The following ATF6B variants were observed in gnomAD, a reference collection of about 807,000 sequenced individuals.
The protein encoded by ATF6B is cyclic AMP-dependent transcription factor ATF-6 beta.
ATF6B carries 50 observed loss-of-function variants against 83.5 expected under a neutral mutation model. The ratio of observed to expected loss-of-function variants is 0.60; its 90% CI spans 0.48 to 0.76. ATF6B has a LOEUF of 0.76. ATF6B is among the 30% of genes least tolerant of loss of function. The pLI is 0.00. For synonymous variants in ATF6B, 344 were observed against 362.8 expected (o/e 0.95, Z 0.59); for missense variants, 790 against 893.8 (o/e 0.88, Z 1.48).
In ATF6B at chr6:32,115,818, G is replaced by A. The variant is rs1275954191; in HGVS notation, c.2033C>T (p.Thr678Ile). 1 of 1,614,066 alleles carries A rather than the reference G, an allele frequency of 6.2e-7. No individual in the cohort carries two copies. The highest frequency in any genetic ancestry group is 8.5e-7 in the Non-Finnish European group (1 of 1,179,994). Residue 678 changes from threonine (T) to isoleucine (I), a missense_variant, in exon 18 of 18, where the codon ACA becomes ATA. Transcript: ENST00000375203. ...KQPSPTPGNA[T>I]GGPLPVSAAS... The stretch of plus-strand genomic sequence containing the variant: ...TGCAGAGACTGGCAAGGGGCCACCT[G>A]TGGCATTGCCTGGGGTTGGGGATGG...
In ATF6B at chr6:32,117,108, C is replaced by T. The variant is rs765266665; in HGVS notation, c.1615-1G>A. On this transcript the variant is annotated splice_acceptor_variant, in intron 14 of 17. Transcript: ENST00000375203. LOFTEE classifies it high-confidence loss of function. The surrounding 1 kb of genome is among the most constrained non-coding windows in gnomAD (Gnocchi z 5.0). ...GTGACTTCTTCCGTGGCTGAGACTT[C>T]TGGAAGGAGAAGTATCTAAGGACTT... 1 of 1,613,840 alleles carries T rather than the reference C, an allele frequency of 6.2e-7. No individual in the cohort carries two copies. The highest frequency in any genetic ancestry group is 8.5e-7 in the Non-Finnish European group (1 of 1,179,852).
chr6:32,123,366 T>C (rs1428499844), intron 5 of ATF6B, among the ~76,000 whole-genome samples: 1 of 151,896 alleles, frequency 6.6e-6, no homozygotes, highest in Non-Finnish European at 1.5e-5. Context: ...TACCTAAGTA[T>C]GGAGGAGAAT....
In ATF6B at chr6:32,121,361, G is replaced by A. The variant is rs139931346; in HGVS notation, c.479-13C>T. On this transcript the variant is annotated splice_polypyrimidine_tract_variant and intron_variant, in intron 5 of 17. Coordinates refer to ENST00000375203, the MANE Select transcript of ATF6B (RefSeq NM_004381.5). ...TTGGTCTGGACATCTGTGGGAGGCA[G>A]GATGAGGCAAAAGCTGGATATCATG... 1,062 of 1,610,942 alleles carry A rather than the reference G, an allele frequency of 6.6e-4. 12 individuals carry two copies. The East Asian group carries it at 7.2e-3, about 11-fold the overall frequency.
rs1450673531 is a variant in ATF6B, at chr6:32,118,155, G to C, written c.1245-117C>G. 4.7e-6 allele frequency: 6 copies of C among 1,268,074 alleles called. No homozygotes were observed. In the Admixed American group the frequency reaches 1.2e-4, roughly 25 times the overall value. 78.6% of individuals were successfully genotyped at this position (1,268,074 alleles called of 1,614,324 possible). ...GTTGCAATCTGTTATACAAGCCTGA[G>C]TCTGCCTCTGTAAGATGGGAATAAG... On this transcript the variant is annotated intron_variant, in intron 11 of 17. Coordinates refer to ENST00000375203, the MANE Select transcript of ATF6B (RefSeq NM_004381.5). This position sits in a 1 kb window ranked among gnomAD's most constrained non-coding sequence, Gnocchi z 5.2.
chr6:32,120,678 T>C, intron 8 of ATF6B, 93 bp downstream of exon 8: 1 of 1,455,394 alleles, frequency 6.9e-7, no homozygotes. Context: ...CTTAAACTTC[T>C]GACCTCAGGT....
At position 32,117,677 on chromosome 6, in the gene ATF6B, G is replaced by A. The variant is rs1412583387; in HGVS notation, c.1442C>T (p.Pro481Leu). 2 of 1,613,996 alleles carry A rather than the reference G, an allele frequency of 1.2e-6. No homozygotes were observed. The highest frequency in any genetic ancestry group is 2.7e-5 in the African/African-American group (2 of 74,938). Residue 481 changes from proline to leucine, a missense_variant, in exon 13 of 18, where the codon CCT (proline) becomes CTT (leucine). Physicochemically the swap from Pro to Leu is moderately conservative, Grantham distance 98. This residue lies in a region of ATF6B where 530 missense variants were observed against 632.6 expected (regional missense o/e 0.84). Transcript: ENST00000375203. This position sits in a 1 kb window ranked among gnomAD's most constrained non-coding sequence, Gnocchi z 5.0. ...QPSFSNLTAF[P>L]GGAKELLLRD... Reference sequence around the variant, plus strand: ...TAGTAGTAGCTCCTTGGCGCCCCCAGGGAAGGCTGTCAGGTTGCTGGAGTG... The same window carrying A: ...TAGTAGTAGCTCCTTGGCGCCCCCAAGGAAGGCTGTCAGGTTGCTGGAGTG...
intron 5 of ATF6B, among the ~76,000 whole-genome samples, chr6:32,122,710 G>A (rs1206942138): frequency 6.6e-6 from 1 of 151,810 alleles, no homozygotes; most frequent in African/African-American, 2.4e-5. Context: ...TTAGCCAGGC[G>A]TGGTGGCGGA....
In ATF6B at chr6:32,117,403, G is replaced by A. The variant is rs1255681915; in HGVS notation, c.1534C>T (p.Leu512Phe). Residue 512 changes from leucine (L) to phenylalanine (F), a missense_variant and splice_region_variant, in exon 14 of 18, where the codon CTT becomes TTT. This residue lies in a region of ATF6B where 530 missense variants were observed against 632.6 expected (regional missense o/e 0.84). Transcript: ENST00000375203. This position sits in a 1 kb window ranked among gnomAD's most constrained non-coding sequence, Gnocchi z 5.0. ...ACCCAGCCACTCAACTCGTCAGCAA[G>A]CCTGGGGAAATGGAGGAGCTCAGGA... ...RHFNRTESLR[L>F]ADELSGWVQR... 1.9e-6 allele frequency: 3 copies of A among 1,614,016 alleles called. No individual in the cohort carries two copies. The highest frequency in any genetic ancestry group is 2.5e-6 in the Non-Finnish European group (3 of 1,179,964).
At chr6:32,120,538 C>A in intron 8 of ATF6B, 1 of 378,982 alleles carries the variant, frequency 2.6e-6, no homozygotes, top group Non-Finnish European at 4.6e-6. Context: ...GCAACCTCCG[C>A]CTCCTGGGTT....
rs1404461073 is a variant in ATF6B, at chr6:32,121,443, C to G, written c.479-95G>C. 4 of 1,258,848 alleles carry G rather than the reference C, an allele frequency of 3.2e-6. No homozygotes were observed. In the South Asian group the frequency reaches 3.8e-5, roughly 12 times the overall value. The allele number at this position is 1,258,848 out of a possible 1,614,324, so 78.0% of individuals were successfully genotyped here. A position where few individuals can be genotyped will look rare whatever the true frequency, so the allele number is the denominator to read the frequency against. ...GGAGGCTGGGCATGGTGGCTCACGC[C>G]TGTAATCTCAGCACTTTGGGAGGCC... On this transcript the variant is annotated intron_variant, in intron 5 of 17. Coordinates refer to ENST00000375203, the MANE Select transcript of ATF6B (RefSeq NM_004381.5).
At chr6:32,127,959 C>T (rs1056877253) in intron 1 of ATF6B, among the ~76,000 whole-genome samples, 158 bp downstream of exon 1, 6 of 152,124 alleles carry the variant, frequency 3.9e-5, no homozygotes, top group African/African-American at 1.4e-4. Flanking sequence ...TCTTCCCTGA[C>T]TTTTGTATCC....
At position 32,119,273 on chromosome 6, in the gene ATF6B, C is replaced by A. The variant is rs1457622602; in HGVS notation, c.967-132G>T. On this transcript the variant is annotated intron_variant, in intron 9 of 17. Coordinates refer to ENST00000375203, the MANE Select transcript of ATF6B (RefSeq NM_004381.5). This position sits in a 1 kb window ranked among gnomAD's most constrained non-coding sequence, Gnocchi z 4.9. ...CTGCCTTCCTGACCCACCTACATAG[C>A]CAGAGAGGTTTTTCCTCTCTACTCA... 5 of 1,101,982 alleles carry A rather than the reference C, an allele frequency of 4.5e-6. No homozygotes were observed. Among genetic ancestry groups the A allele is most frequent in the South Asian group, 1.7e-5 (1 of 60,512 alleles). The allele number at this position is 1,101,982 out of a possible 1,614,324, so 68.3% of individuals were successfully genotyped here. A position where few individuals can be genotyped will look rare whatever the true frequency, so the allele number is the denominator to read the frequency against.
rs199996240 is a variant in ATF6B at position 32,117,338 on chromosome 6, C to T, written c.1599G>A (p.Arg533=). ...HQRGRRKIPQ[R]AQERQKSQPR... is the part of the protein sequence containing the mutation. ...CCCGCCCTACCTGTCTCTCCTGGGCCCTCTGAGGGATCTTCCTCCGGCCTC... is the reference window on the plus strand; with the variant it reads ...CCCGCCCTACCTGTCTCTCCTGGGCTCTCTGAGGGATCTTCCTCCGGCCTC... The change falls in exon 14 of 18, where the codon AGG becomes AGA. Residue 533 remains arginine, a synonymous_variant. Transcript: ENST00000375203. The surrounding 1 kb of genome is among the most constrained non-coding windows in gnomAD (Gnocchi z 5.0). 7.4e-6 allele frequency: 12 copies of T among 1,613,956 alleles called. No individual in the cohort carries two copies. In the African/African-American group the frequency reaches 1.1e-4, roughly 14 times the overall value.
Position 32,118,770 on chromosome 6 carries a change from C to G in ATF6B, c.1244+5G>C, listed in dbSNP as rs1231622783. The G allele has an allele frequency of 3.7e-6, 6 of 1,613,856 alleles. No individual in the cohort carries two copies. The highest frequency in any genetic ancestry group is 4.2e-6 in the Non-Finnish European group (5 of 1,179,804). On this transcript the variant is annotated splice_donor_5th_base_variant and intron_variant, in intron 11 of 17. Coordinates refer to ENST00000375203, the MANE Select transcript of ATF6B (RefSeq NM_004381.5). This position sits in a 1 kb window ranked among gnomAD's most constrained non-coding sequence, Gnocchi z 5.2. ...AAGGTTCTAGTGAAGCAAGGAAGGT[C>G]TCACCTGACAGGTCCAAAGTTGAAG...
At chr6:32,126,062 CAT>C (rs1485076750) in intron 5 of ATF6B, 53 bp downstream of exon 5, 1 of 1,606,538 alleles carries the variant, frequency 6.2e-7, no homozygotes, top group Non-Finnish European at 8.5e-7. Flanking sequence ...CACACACACA[CAT>C]AACACATTCT....
intron 5 of ATF6B, among the ~76,000 whole-genome samples, chr6:32,123,326 A>G (rs548713143): frequency 2.0e-5 from 3 of 151,742 alleles, no homozygotes; most frequent in Non-Finnish European, 4.4e-5. Context: ...TCTCATGTCC[A>G]TTGAGGGTAA....
chr6:32,116,345 A>C lies in ATF6B; in HGVS notation c.1882+135T>G. On this transcript the variant is annotated intron_variant, in intron 17 of 17. Transcript: ENST00000375203. This position sits in a 1 kb window ranked among gnomAD's most constrained non-coding sequence, Gnocchi z 5.1. ...TCTCCTGCATGGTGCTCTTCCCTCC[A>C]CCTACTTCCTGCTGCTTCTCACCTG... 1 of 816,012 alleles carries C rather than the reference A, an allele frequency of 1.2e-6. No homozygotes were observed. Among genetic ancestry groups the C allele is most frequent in the Admixed American group, 2.8e-5 (1 of 35,520 alleles). The allele number at this position is 816,012 out of a possible 1,614,324, so 50.5% of individuals were successfully genotyped here.
rs1264005260 is a variant in ATF6B at position 32,120,815 on chromosome 6, G to A, written c.788C>T (p.Pro263Leu). The A allele has an allele frequency of 6.2e-7, 1 of 1,610,236 alleles. No homozygotes were observed. Among genetic ancestry groups the A allele is most frequent in the Non-Finnish European group, 8.5e-7 (1 of 1,177,968 alleles). ...GGACTGCAGAAGGACTGTGGTGCTG[G>A]GAGGCACAGCTCTGGATGGCATTGG... ...TVPMPSRAVP[P>L]STTVLLQSLV... Residue 263 changes from proline to leucine, a missense_variant, in exon 8 of 18, where the codon CCC (proline) becomes CTC (leucine). By Grantham distance (98) the Pro-to-Leu change is moderately conservative (BLOSUM62 -3). Around this residue, in one of 3 missense-constraint regions of ATF6B, gnomAD observed 530 missense variants for 632.6 expected, o/e 0.84. Transcript: ENST00000375203.
At position 32,128,224 on chromosome 6, in the gene ATF6B, C is replaced by CCCCCCCCCCCA; in HGVS notation, c.-18_-17insTGGGGGGGGGG. The CCCCCCCCCCCA allele has an allele frequency of 1.2e-6, 2 of 1,604,544 alleles. No individual in the cohort carries two copies. Among genetic ancestry groups the CCCCCCCCCCCA allele is most frequent in the Non-Finnish European group, 8.5e-7 (1 of 1,178,430 alleles). Reference sequence around the variant, plus strand: ...CTCCGCCATCTTTCCCCCCCACCCCCCAACCAGGAGACGGTTCCCAAGGCC... The same window carrying CCCCCCCCCCCA: ...CTCCGCCATCTTTCCCCCCCACCCCCCCCCCCCCCCACAACCAGGAGACGGTTCCCAAGGCC... On this transcript the variant is annotated 5_prime_UTR_variant, in exon 1 of 18. Coordinates refer to ENST00000375203, the MANE Select transcript of ATF6B (RefSeq NM_004381.5).
Sources: allele counts gnomAD v4.1 joint callset (sites outside exome capture counted in the v4.1 genomes callset), GRCh38; gene constraint gnomAD v4.1.1; regional missense constraint gnomAD v4.1.1; non-coding constraint Gnocchi (gnomAD v3.1); transcripts MANE v1.5; gene names NCBI Gene and HGNC (gene_info 2026-07-23, HGNC 2026-07-21).